RSRC1: variants seen among roughly 807,000 people sequenced by gnomAD.
RSRC1 encodes arginine and serine rich coiled-coil 1.
Under a neutral mutation model 49.1 loss-of-function variants are expected in RSRC1, and 39 were observed. That is an observed-to-expected ratio of 0.79 (90% confidence interval 0.61 to 1.04). The LOEUF is 1.04. Ranked by LOEUF, RSRC1 falls within the 50% of genes least tolerant of loss-of-function variation. The pLI is 0.00. For missense variants in RSRC1, 388 were observed against 402.4 expected, an observed-to-expected ratio of 0.96 and a Z score of 0.31; for synonymous variants, 143 against 130.8, an observed-to-expected ratio of 1.09 and a Z score of -0.63.
intron 3 of RSRC1, among the ~76,000 whole-genome samples, chr3:158,143,728 T>A (rs1380397360): frequency 6.6e-6 from 1 of 152,056 alleles, no homozygotes; most frequent in Non-Finnish European, 1.5e-5. Context: ...GAATTAGGGG[T>A]AATAAAGCAG....
rs982208087 is a variant in RSRC1 at position 158,203,196 on chromosome 3, A to G, written c.445A>G (p.Lys149Glu). ...GGGCAGAGATAAAGAGAAAAGAGAA[A>G]AGGAGAAGGATAAAGGGAAGGACAA... ...RKGRDKEKRE[K>E]EKDKGKDKEL... Residue 149 changes from lysine (K) to glutamate (E), a missense_variant, in exon 4 of 10, where the codon AAG (lysine) becomes GAG (glutamate). Coordinates refer to ENST00000611884, the MANE Select transcript of RSRC1 (RefSeq NM_001271838.2). 6.2e-7 allele frequency: 1 copy of G among 1,611,494 alleles called. No homozygotes were observed. The highest frequency in any genetic ancestry group is 8.5e-7 in the Non-Finnish European group (1 of 1,178,750).
At chr3:158,392,640 A>G (rs1733381638) in intron 6 of RSRC1, among the ~76,000 whole-genome samples, 1 of 152,150 alleles carries the variant, frequency 6.6e-6, no homozygotes, top group Admixed American at 6.5e-5. Flanking sequence ...TATCCTAAAT[A>G]TATATGCACC....
chr3:158,416,352 T>C (rs1294122056), intron 6 of RSRC1, among the ~76,000 whole-genome samples: 1 of 152,066 alleles, frequency 6.6e-6, no homozygotes, highest in Non-Finnish European at 1.5e-5. Flanking sequence ...TACTTGACCA[T>C]TAGAATACAG....
rs1450280380 is a variant in RSRC1, at chr3:158,544,083, G to A, written c.913-100G>A. On this transcript the variant is annotated intron_variant, in intron 9 of 9. Transcript: ENST00000611884. Reference sequence around the variant, plus strand: ...GAGTTAAACAGTATCCAAATCTTGTGTTGAGAGATATATTCTACAAAGGTG... The same window carrying A: ...GAGTTAAACAGTATCCAAATCTTGTATTGAGAGATATATTCTACAAAGGTG... 16 of 756,222 alleles carry A rather than the reference G, an allele frequency of 2.1e-5. 1 individual carries two copies. The highest frequency in any genetic ancestry group is 1.5e-4 in the South Asian group (9 of 61,576). 46.8% of individuals were successfully genotyped at this position (756,222 alleles called of 1,614,324 possible).
At chr3:158,113,429 T>C (rs6783175) in intron 1 of RSRC1, among the ~76,000 whole-genome samples, 106,142 of 149,440 alleles carry the variant, frequency 0.71, 38,434 homozygotes, top group African/African-American at 0.83. Flanking sequence ...AGTGCAGTGG[T>C]GCGATCTCGG....
Position 158,122,151 on chromosome 3 carries a change from G to T in RSRC1, c.47G>T (p.Arg16Ile). Residue 16 changes from arginine to isoleucine, a missense_variant, in exon 2 of 10, where the codon AGA becomes ATA. Coordinates refer to ENST00000611884, the MANE Select transcript of RSRC1 (RefSeq NM_001271838.2). ...SDTEEESRSK[R>I]KKKHRRRSSS... ...ACTGAAGAAGAAAGCAGAAGCAAGAGAAAAAAGAAACACCGTAGACGGTCC... is the reference window on the plus strand; with the variant it reads ...ACTGAAGAAGAAAGCAGAAGCAAGATAAAAAAGAAACACCGTAGACGGTCC... 6.4e-7 allele frequency: 1 copy of T among 1,569,342 alleles called. No individual in the cohort carries two copies. The highest frequency in any genetic ancestry group is 8.6e-7 in the Non-Finnish European group (1 of 1,158,948).
intron 5 of RSRC1, among the ~76,000 whole-genome samples, chr3:158,352,755 A>G (rs1730946018): frequency 1.3e-5 from 2 of 152,142 alleles, no homozygotes; most frequent in African/African-American, 4.8e-5. Context: ...CATGACCACA[A>G]TCAGTTGGTG....
chr3:158,310,926 A>G (rs1728087473), intron 5 of RSRC1, among the ~76,000 whole-genome samples: 1 of 151,760 alleles, frequency 6.6e-6, no homozygotes, highest in Non-Finnish European at 1.5e-5. Flanking sequence ...TCATTCACTC[A>G]ATCACCTTTG....
chr3:158,123,767 A>G, intron 2 of RSRC1, 99 bp from the exon 3 acceptor site: 2 of 1,116,848 alleles, frequency 1.8e-6, no homozygotes, highest in South Asian at 3.1e-5. Context: ...ACAGTGAGAC[A>G]GTAAAAATCA....
At chr3:158,361,266 T>G (rs1365477762) in intron 6 of RSRC1, among the ~76,000 whole-genome samples, 1 of 152,152 alleles carries the variant, frequency 6.6e-6, no homozygotes, top group Non-Finnish European at 1.5e-5. Flanking sequence ...ACGGCTGTGT[T>G]GCTGGCCAGG....
At chr3:158,293,184 T>G (rs1727037387) in intron 4 of RSRC1, among the ~76,000 whole-genome samples, 1 of 152,126 alleles carries the variant, frequency 6.6e-6, no homozygotes, top group Non-Finnish European at 1.5e-5. Context: ...AAATGAAAAC[T>G]TCTTGGTTTA....
intron 6 of RSRC1, among the ~76,000 whole-genome samples, chr3:158,395,800 A>G (rs1733580523): frequency 6.6e-6 from 1 of 152,192 alleles, no homozygotes. Context: ...CAGAACTACC[A>G]TTTGACCTTA....
chr3:158,289,251 C>T (rs1294907121), intron 4 of RSRC1, among the ~76,000 whole-genome samples: 1 of 152,202 alleles, frequency 6.6e-6, no homozygotes, highest in African/African-American at 2.4e-5. Flanking sequence ...ACTCTCTTCT[C>T]TTTCCCCTGT....
intron 4 of RSRC1, among the ~76,000 whole-genome samples, chr3:158,222,776 G>T (rs1276379584): frequency 6.6e-6 from 1 of 151,492 alleles, no homozygotes; most frequent in Non-Finnish European, 1.5e-5. Context: ...AAATGTCTTT[G>T]TTTTTATCAT....
At chr3:158,431,311 T>G (rs1306192098) in intron 6 of RSRC1, among the ~76,000 whole-genome samples, 1 of 151,842 alleles carries the variant, frequency 6.6e-6, no homozygotes, top group East Asian at 2.0e-4. Flanking sequence ...ATCTCCATCT[T>G]AACAGCTAAC....
intron 6 of RSRC1, among the ~76,000 whole-genome samples, chr3:158,441,732 A>T: frequency 6.6e-6 from 1 of 152,190 alleles, no homozygotes; most frequent in Non-Finnish European, 1.5e-5. Context: ...CTGATAACAC[A>T]ACTTCAGGAT....
intron 5 of RSRC1, among the ~76,000 whole-genome samples, chr3:158,332,971 G>GTTTTTTTTTT (rs371669802): frequency 7.3e-6 from 1 of 136,124 alleles, no homozygotes; most frequent in Non-Finnish European, 1.6e-5. Context: ...TCTGTTTTTT[G>GTTTTTTTTTT]TTTTTTTTTT....
At chr3:158,423,714 G>C (rs1056365023) in intron 6 of RSRC1, among the ~76,000 whole-genome samples, 2 of 152,040 alleles carry the variant, frequency 1.3e-5, no homozygotes, top group African/African-American at 4.8e-5. Context: ...AATGAGCATG[G>C]AATGTTCTTT....
intron 3 of RSRC1, among the ~76,000 whole-genome samples, chr3:158,167,087 A>G (rs1184460911): frequency 6.6e-6 from 1 of 152,100 alleles, no homozygotes; most frequent in African/African-American, 2.4e-5. Flanking sequence ...AGTTGTCACA[A>G]TTGTTTTATC....
Sources: gnomAD v4.1 joint callset for allele counts (sites outside exome capture counted in the v4.1 genomes callset) on GRCh38, gnomAD v4.1.1 for gene constraint, MANE v1.5 for transcripts, NCBI Gene and HGNC (gene_info 2026-07-23, HGNC 2026-07-21) for gene names.